The following LSP1 variants were observed in gnomAD, a reference collection of about 807,000 sequenced individuals.
LSP1 encodes lymphocyte-specific protein 1.
Under a neutral mutation model 49.3 loss-of-function variants are expected in LSP1, and 32 were observed. That is an observed-to-expected ratio of 0.65 (90% CI 0.49 to 0.87). The LOEUF (loss-of-function observed/expected upper bound fraction) is 0.87, where lower values mean the gene tolerates loss of function less well. Ranked by LOEUF, LSP1 falls within the 40% of genes least tolerant of loss-of-function variation. LSP1 has a pLI of 0.00. For synonymous variants in LSP1, 179 were observed against 178.8 expected, an observed-to-expected ratio of 1.00 and a Z score of -0.01; for missense variants, 428 against 442.6, an observed-to-expected ratio of 0.97 and a Z score of 0.30.
At position 1,886,863 on chromosome 11, in the gene LSP1, C is replaced by A; in HGVS notation, c.849C>A (p.Cys283Ter). The A allele has an allele frequency of 6.2e-7, 1 of 1,611,048 alleles. No homozygotes were observed. The highest frequency in any genetic ancestry group is 8.5e-7 in the Non-Finnish European group (1 of 1,179,456). ...AGTCTGCGGCCAAGACTCCGTCCTG[C>A]AAGGTAAGGTCCCCTCCAGGGGCAA... ...QAQSAAKTPSCKDIVAGDMSK... is the reference protein window; with the variant it reads ...QAQSAAKTPS Residue 283 changes from cysteine to a stop codon, truncating the protein, a stop_gained, in exon 8 of 11, where the codon TGC becomes TGA. Coordinates refer to ENST00000311604, the MANE Select transcript of LSP1 (RefSeq NM_002339.3). LOFTEE classifies it high-confidence loss of function.
chr11:1,854,457 C>T (rs1392985365), intron 1 of LSP1, among the ~76,000 whole-genome samples: 2 of 152,202 alleles, frequency 1.3e-5, no homozygotes, highest in Non-Finnish European at 2.9e-5. Flanking sequence ...TGGCTGCAGT[C>T]ACTGTCCTGT....
In LSP1 at chr11:1,880,163, C is replaced by T; in HGVS notation, c.130C>T (p.Leu44Phe). The change falls in exon 2 of 11, where the codon CTT (leucine) becomes TTT (phenylalanine). Residue 44 changes from leucine (L) to phenylalanine (F), a missense_variant. Coordinates refer to ENST00000311604, the MANE Select transcript of LSP1 (RefSeq NM_002339.3). Reference protein sequence around the residue: ...EQCQHERDRQLQAQDEEGGGH... With the variant: ...EQCQHERDRQFQAQDEEGGGH... ...ATGCCAGCATGAGAGAGACAGGCAGCTTCAGGCCCAGGACGAGGAGGGAGG... is the reference window on the plus strand; with the variant it reads ...ATGCCAGCATGAGAGAGACAGGCAGTTTCAGGCCCAGGACGAGGAGGGAGG... 2 of 1,606,354 alleles carry T rather than the reference C, an allele frequency of 1.2e-6. No homozygotes were observed. The highest frequency in any genetic ancestry group is 1.7e-6 in the Non-Finnish European group (2 of 1,175,952).
At chr11:1,861,672 T>C (rs1297566928) in intron 1 of LSP1, among the ~76,000 whole-genome samples, 1 of 149,500 alleles carries the variant, frequency 6.7e-6, no homozygotes, top group Non-Finnish European at 1.5e-5. Context: ...GATGGATAGA[T>C]GGGTGGATGG....
intron 1 of LSP1, among the ~76,000 whole-genome samples, chr11:1,877,038 C>A (rs1848339858): frequency 6.6e-6 from 1 of 152,218 alleles, no homozygotes; most frequent in Admixed American, 6.5e-5. Context: ...TGTGCAGGAA[C>A]ACCAAATCCC....
At chr11:1,872,846 G>T (rs1240172040) in intron 1 of LSP1, among the ~76,000 whole-genome samples, 1 of 152,104 alleles carries the variant, frequency 6.6e-6, no homozygotes, top group African/African-American at 2.4e-5. Context: ...TCACCACTCT[G>T]GGGCGAAGTT....
chr11:1,864,959 A>G (rs1272169042), intron 1 of LSP1, among the ~76,000 whole-genome samples: 1 of 151,940 alleles, frequency 6.6e-6, no homozygotes, highest in African/African-American at 2.4e-5. Flanking sequence ...CCAGACAGAG[A>G]GAAGGGACAG....
At chr11:1,867,026 T>G (rs1589811305) in intron 1 of LSP1, 2 of 1,075,600 alleles carry the variant, frequency 1.9e-6, no homozygotes, top group Non-Finnish European at 2.6e-6. Flanking sequence ...TCAGGGCCAG[T>G]CCCTGTGGAC....
chr11:1,890,020 G>A (rs1339034340), intron 10 of LSP1: 1 of 679,870 alleles, frequency 1.5e-6, no homozygotes, highest in Non-Finnish European at 2.7e-6. Flanking sequence ...CCATTGTGTG[G>A]GGATGGTGCC....
At position 1,884,000 on chromosome 11, in the gene LSP1, G is replaced by C; in HGVS notation, c.567G>C (p.Ser189=). 6.2e-7 allele frequency: 1 copy of C among 1,612,550 alleles called. No individual in the cohort carries two copies. Among genetic ancestry groups the C allele is most frequent in the Non-Finnish European group, 8.5e-7 (1 of 1,179,590 alleles). ...TGGAGGGGACCATCGAACAGAGCTC[G>C]CCTCCCCTGAGCCCTACCACCAAAG... is the stretch of plus-strand genomic sequence containing the variant. ...LVLEGTIEQS[S]PPLSPTTKLI... Residue 189 remains serine, a synonymous_variant, in exon 5 of 11, where the codon TCG becomes TCC. Transcript: ENST00000311604.
In LSP1 at chr11:1,884,142, C is replaced by T; in HGVS notation, c.591+118C>T. 2 of 1,403,984 alleles carry T rather than the reference C, an allele frequency of 1.4e-6. No homozygotes were observed. Among genetic ancestry groups the T allele is most frequent in the South Asian group, 1.2e-5 (1 of 84,126 alleles). The allele number at this position is 1,403,984 out of a possible 1,614,324, so 87.0% of individuals were successfully genotyped here. A position where few individuals can be genotyped will look rare whatever the true frequency, so the allele number is the denominator to read the frequency against. On this transcript the variant is annotated intron_variant, in intron 5 of 10. Coordinates refer to ENST00000311604, the MANE Select transcript of LSP1 (RefSeq NM_002339.3). The surrounding 1 kb of genome is among the most constrained non-coding windows in gnomAD (Gnocchi z 4.1). ...CCCAGGCCTGGCTTTTGTCTGCTAT[C>T]CCCCCATTGCCCGGTGCTCAGCGAA... is the stretch of plus-strand genomic sequence containing the variant.
intron 1 of LSP1, chr11:1,876,750 G>C (rs1321824576): frequency 3.5e-6 from 2 of 577,014 alleles, no homozygotes. Flanking sequence ...GGAGAAGAAG[G>C]GCCAGCGTCC....
chr11:1,883,708 C>T (rs1176694110), intron 4 of LSP1, 148 bp downstream of exon 4: 16 of 1,097,660 alleles, frequency 1.5e-5, no homozygotes, highest in Non-Finnish European at 2.0e-5. Flanking sequence ...CCCTTCTGGG[C>T]CCACATTCTC....
chr11:1,867,281 G>A (rs1565074622), intron 1 of LSP1, among the ~76,000 whole-genome samples: 1 of 152,060 alleles, frequency 6.6e-6, no homozygotes, highest in African/African-American at 2.4e-5. Context: ...AGGCTGACAC[G>A]TGTGCACTAA....
intron 10 of LSP1, among the ~76,000 whole-genome samples, 193 bp downstream of exon 10, chr11:1,887,769 A>G (rs1243167912): frequency 1.3e-5 from 2 of 151,954 alleles, no homozygotes; most frequent in Non-Finnish European, 2.9e-5. Flanking sequence ...ACCAGATTCA[A>G]ACTCTCTGCT....
intron 1 of LSP1, among the ~76,000 whole-genome samples, chr11:1,877,021 T>C (rs1370454324): frequency 3.3e-5 from 5 of 152,176 alleles, no homozygotes; most frequent in Admixed American, 2.0e-4. Context: ...AATCGCCTAA[T>C]TGCATTTGTG....
At chr11:1,856,209 C>A (rs1847485840) in intron 1 of LSP1, among the ~76,000 whole-genome samples, 1 of 152,216 alleles carries the variant, frequency 6.6e-6, no homozygotes, top group African/African-American at 2.4e-5. Flanking sequence ...GATGACCCTA[C>A]CCCCAGTCTG....
At chr11:1,868,390 C>T (rs1847866614) in intron 1 of LSP1, among the ~76,000 whole-genome samples, 1 of 152,264 alleles carries the variant, frequency 6.6e-6, no homozygotes, top group African/African-American at 2.4e-5. Context: ...ATCTCGGGCA[C>T]ACATCTGCCC....
chr11:1,890,132 G>A (rs1255907669), intron 10 of LSP1: 1 of 717,132 alleles, frequency 1.4e-6, no homozygotes, highest in African/African-American at 1.7e-5. Flanking sequence ...CTACAACCTG[G>A]GGCCCCATGG....
chr11:1,858,571 T>G (rs1329169786), intron 1 of LSP1, among the ~76,000 whole-genome samples: 2 of 152,100 alleles, frequency 1.3e-5, no homozygotes, highest in Non-Finnish European at 2.9e-5. Context: ...GCTTTCCACA[T>G]GCGCTGAGGC....
Sources: allele counts gnomAD v4.1 joint callset (sites outside exome capture counted in the v4.1 genomes callset), GRCh38; gene constraint gnomAD v4.1.1; non-coding constraint Gnocchi (gnomAD v3.1); transcripts MANE v1.5; gene names NCBI Gene and HGNC (gene_info 2026-07-23, HGNC 2026-07-21).